Variants in FREM2 observed in about 807,000 individuals in gnomAD.
FREM2 encodes FRAS1 related extracellular matrix 2, also known as FRAS1-related extracellular matrix protein 2.
FREM2 carries 119 observed loss-of-function variants against 219.9 expected under a neutral mutation model. The observed-to-expected ratio is 0.54, with a 90% CI of 0.47 to 0.63. The LOEUF (loss-of-function observed/expected upper bound fraction) is 0.63, where lower values mean the gene tolerates loss of function less well. Ranked by LOEUF, FREM2 falls within the 30% of genes least tolerant of loss-of-function variation. FREM2 has a pLI of 0.00. For synonymous variants in FREM2, 1,562 were observed against 1,522.8 expected, an observed-to-expected ratio of 1.03 and a Z score of -0.60; for missense variants, 4,030 against 3,993.6, an observed-to-expected ratio of 1.01 and a Z score of -0.25.
At chr13:38,751,546 T>C (rs1329467723) in intron 2 of FREM2, among the ~76,000 whole-genome samples, 1 of 152,164 alleles carries the variant, frequency 6.6e-6, no homozygotes, top group Non-Finnish European at 1.5e-5. Flanking sequence ...CCACAGACCC[T>C]TGTGCCAAGC....
chr13:38,728,734 A>G (rs1318492390), intron 2 of FREM2, among the ~76,000 whole-genome samples: 1 of 152,180 alleles, frequency 6.6e-6, no homozygotes, highest in Non-Finnish European at 1.5e-5. Context: ...TTTTATGAAT[A>G]TATTCTACAA....
intron 2 of FREM2, among the ~76,000 whole-genome samples, chr13:38,714,117 C>T (rs1168036824): frequency 1.3e-5 from 2 of 152,192 alleles, no homozygotes; most frequent in African/African-American, 2.4e-5. Context: ...GGGACAGAGG[C>T]CTTGTCACAG....
intron 6 of FREM2, among the ~76,000 whole-genome samples, chr13:38,834,793 GTTGT>G (rs1310071934): frequency 6.6e-6 from 1 of 152,126 alleles, no homozygotes; most frequent in African/African-American, 2.4e-5. Context: ...TTTTCATGAG[GTTGT>G]TTGTTTTTTC....
chr13:38,818,899 A>G (rs1017623328), intron 6 of FREM2, among the ~76,000 whole-genome samples: 1 of 152,080 alleles, frequency 6.6e-6, no homozygotes, highest in East Asian at 1.9e-4. Flanking sequence ...CTCAAAAAAA[A>G]AATGCTAGAA....
chr13:38,784,519 T>C, intron 5 of FREM2, 38 bp from the exon 6 acceptor site: 3 of 1,611,040 alleles, frequency 1.9e-6, no homozygotes, highest in Non-Finnish European at 2.5e-6. Flanking sequence ...TTGTCTTATG[T>C]TCTACATAAA....
chr13:38,735,708 G>A (rs559356288), intron 2 of FREM2, among the ~76,000 whole-genome samples: 1 of 152,286 alleles, frequency 6.6e-6, no homozygotes, highest in African/African-American at 2.4e-5. Context: ...AAACAGAGTG[G>A]CTTTTCAAGT....
chr13:38,816,654 A>G (rs1420236827), intron 6 of FREM2, among the ~76,000 whole-genome samples: 1 of 149,524 alleles, frequency 6.7e-6, no homozygotes, highest in Non-Finnish European at 1.5e-5. Flanking sequence ...CTTTTCCTGT[A>G]AGGTCAGGAA....
chr13:38,776,417 A>G (rs1330519402), intron 4 of FREM2, among the ~76,000 whole-genome samples: 1 of 152,232 alleles, frequency 6.6e-6, no homozygotes, highest in Non-Finnish European at 1.5e-5. Context: ...TCTGTGGAAT[A>G]TAATTGAGAG....
chr13:38,724,557 A>G (rs967452457), intron 2 of FREM2, among the ~76,000 whole-genome samples: 3 of 152,258 alleles, frequency 2.0e-5, no homozygotes, highest in Non-Finnish European at 4.4e-5. Flanking sequence ...TAGTAGCATT[A>G]TCACTCATTG....
Position 38,689,805 on chromosome 13 carries a change from T to C in FREM2, c.2461T>C (p.Tyr821His). Residue 821 changes from tyrosine (Y) to histidine (H), a missense_variant, in exon 1 of 24, where the codon TAC (tyrosine) becomes CAC (histidine). Coordinates refer to ENST00000280481, the MANE Select transcript of FREM2 (RefSeq NM_207361.6). ...TGTGGCTCCAGGTACCTTTACCCTT[T>C]ACTTGCATCCCGTGGACAACCAGCC... ...GNVAPGTFTL[Y>H]LHPVDNQPPE... 1 of 1,614,086 alleles carries C rather than the reference T, an allele frequency of 6.2e-7. No individual in the cohort carries two copies. Among genetic ancestry groups the C allele is most frequent in the South Asian group, 1.1e-5 (1 of 91,078 alleles).
At chr13:38,758,542 T>G (rs956867175) in intron 2 of FREM2, among the ~76,000 whole-genome samples, 2 of 152,194 alleles carry the variant, frequency 1.3e-5, no homozygotes, top group African/African-American at 4.8e-5. Flanking sequence ...CGCAGTTGAA[T>G]GCCAGCCCCT....
In FREM2 at chr13:38,687,678, A is replaced by G; in HGVS notation, c.334A>G (p.Asn112Asp). 1 of 1,590,176 alleles carries G rather than the reference A, an allele frequency of 6.3e-7. No homozygotes were observed. ...CCGCTGCGCGGTTTCGGTACTAGACAACGACGCACTGGCCCAGCGACCGGG... is the reference window on the plus strand; with the variant it reads ...CCGCTGCGCGGTTTCGGTACTAGACGACGACGCACTGGCCCAGCGACCGGG... Reference protein sequence around the residue: ...GDRCAVSVLDNDALAQRPGRL... With the variant: ...GDRCAVSVLDDDALAQRPGRL... The change falls in exon 1 of 24, where the codon AAC (asparagine) becomes GAC (aspartate). Residue 112 changes from asparagine (N) to aspartate (D), a missense_variant. Physicochemically the swap from Asn to Asp is conservative, Grantham distance 23. This residue lies in a region of FREM2 where 3,102 missense variants were observed against 2,950.7 expected (regional missense o/e 1.05). Transcript: ENST00000280481.
intron 2 of FREM2, among the ~76,000 whole-genome samples, chr13:38,734,104 A>T (rs1290882916): frequency 1.3e-5 from 2 of 152,138 alleles, no homozygotes; most frequent in African/African-American, 4.8e-5. Context: ...TAAGAAAAAA[A>T]GTCAAGTGGA....
chr13:38,786,459 G>C (rs780570282), intron 6 of FREM2, among the ~76,000 whole-genome samples: 1 of 152,042 alleles, frequency 6.6e-6, no homozygotes, highest in Non-Finnish European at 1.5e-5. Flanking sequence ...GTAATAAGAA[G>C]TTCTATTCTG....
chr13:38,837,559 A>G (rs1876761179), intron 6 of FREM2, among the ~76,000 whole-genome samples: 1 of 152,046 alleles, frequency 6.6e-6, no homozygotes, highest in South Asian at 2.1e-4. Context: ...TCCCACTATT[A>G]TTGTGTGGGA....
chr13:38,689,818 T>A lies in FREM2; in HGVS notation c.2474T>A (p.Val825Glu). 1 of 1,614,088 alleles carries A rather than the reference T, an allele frequency of 6.2e-7. No individual in the cohort carries two copies. The highest frequency in any genetic ancestry group is 8.5e-7 in the Non-Finnish European group (1 of 1,180,008). The change falls in exon 1 of 24, where the codon GTG becomes GAG. Residue 825 changes from valine (V) to glutamate (E), a missense_variant. This residue lies in a region of FREM2 where 3,102 missense variants were observed against 2,950.7 expected (regional missense o/e 1.05). Coordinates refer to ENST00000280481, the MANE Select transcript of FREM2 (RefSeq NM_207361.6). ...ACCTTTACCCTTTACTTGCATCCCG[T>A]GGACAACCAGCCACCTGAGATCCTC... ...PGTFTLYLHP[V>E]DNQPPEILNT...
chr13:38,849,457 A>G (rs1209971504), intron 8 of FREM2, among the ~76,000 whole-genome samples: 4 of 152,110 alleles, frequency 2.6e-5, no homozygotes, highest in African/African-American at 7.2e-5. Flanking sequence ...TAATGTGCCA[A>G]AAATGCTGTT....
intron 4 of FREM2, among the ~76,000 whole-genome samples, chr13:38,770,835 G>GT: frequency 6.6e-6 from 1 of 151,822 alleles, no homozygotes; most frequent in East Asian, 1.9e-4. Context: ...GTCCTGGCTT[G>GT]TCTTGATCTA....
Position 38,687,641 on chromosome 13 carries a change from G to T in FREM2, c.297G>T (p.Val99=), listed in dbSNP as rs770972612. ...LDPLHDLVLQ[V]QPGDRCAVSV... ...CCCTGCATGACCTGGTGTTGCAGGT[G>T]CAGCCCGGGGACCGCTGCGCGGTTT... Residue 99 remains valine, a synonymous_variant, in exon 1 of 24, where the codon GTG becomes GTT. Coordinates refer to ENST00000280481, the MANE Select transcript of FREM2 (RefSeq NM_207361.6). 6.2e-7 allele frequency: 1 copy of T among 1,607,936 alleles called. No individual in the cohort carries two copies. The highest frequency in any genetic ancestry group is 1.1e-5 in the South Asian group (1 of 90,400).
Sources: allele counts gnomAD v4.1 joint callset (sites outside exome capture counted in the v4.1 genomes callset), GRCh38; gene constraint gnomAD v4.1.1; regional missense constraint gnomAD v4.1.1; transcripts MANE v1.5; gene names NCBI Gene and HGNC (gene_info 2026-07-23, HGNC 2026-07-21).